RPL21: variants seen among roughly 807,000 people sequenced by gnomAD.
RPL21 encodes the protein large ribosomal subunit protein eL21.
A neutral mutation model predicts 21.2 loss-of-function variants in RPL21; 1 was observed. The observed-to-expected ratio is 0.05, with a 90% CI of 0.02 to 0.22. RPL21 has a LOEUF of 0.22. Ranked by LOEUF, RPL21 falls within the 10% of genes least tolerant of loss-of-function variation. The pLI, the probability that RPL21 is intolerant of heterozygous loss-of-function variation, is 1.00. For synonymous variants in RPL21, 52 were observed against 62.9 expected (o/e 0.83, Z 0.82); for missense variants, 113 against 199.4 (o/e 0.57, Z 2.61).
In RPL21 at chr13:27,256,506, C is replaced by G. The variant is rs781048948; in HGVS notation, c.464C>G (p.Pro155Arg). ...GAGCCTGAGCTGCTGGAACCTATTC[C>G]CTATGAATTCATGGCATAATAGGTG... ...GKEPELLEPIPYEFMA is the reference protein window; with the variant it reads ...GKEPELLEPIRYEFMA The change falls in exon 6 of 6, where the codon CCC (proline) becomes CGC (arginine). Residue 155 changes from proline (P) to arginine (R), a missense_variant. By Grantham distance (103) the Pro-to-Arg change is moderately radical. Transcript: ENST00000311549. 6 of 1,385,984 alleles carry G rather than the reference C, an allele frequency of 4.3e-6. No individual in the cohort carries two copies. The South Asian group carries it at 6.9e-5, about 16-fold the overall frequency. The allele number at this position is 1,385,984 out of a possible 1,614,324, so 85.9% of individuals were successfully genotyped here. A position where few individuals can be genotyped will look rare whatever the true frequency, so the allele number is the denominator to read the frequency against.
chr13:27,252,735 T>G (rs1881710188), intron 1 of RPL21, among the ~76,000 whole-genome samples: 1 of 152,180 alleles, frequency 6.6e-6, no homozygotes, highest in Non-Finnish European at 1.5e-5. Context: ...GTAACAATGG[T>G]TTGACTTTGG....
At chr13:27,253,519 G>A (rs1881747693) in intron 1 of RPL21, among the ~76,000 whole-genome samples, 1 of 152,192 alleles carries the variant, frequency 6.6e-6, no homozygotes. Context: ...GTACTAGTTT[G>A]GATTCTCGTA....
chr13:27,254,303 T>G (rs1201679045), intron 3 of RPL21, 22 bp downstream of exon 3: 10 of 1,396,020 alleles, frequency 7.2e-6, no homozygotes, highest in Non-Finnish European at 1.0e-5. Flanking sequence ...ATTGGGAAAA[T>G]AACACTACAG....
At chr13:27,252,307 A>G (rs1206954470) in intron 1 of RPL21, among the ~76,000 whole-genome samples, 6 of 152,320 alleles carry the variant, frequency 3.9e-5, no homozygotes, top group Admixed American at 3.9e-4. Flanking sequence ...CTAGGGCAGC[A>G]TGCTTTGAGT....
chr13:27,252,108 G>C (rs1213639408), intron 1 of RPL21, among the ~76,000 whole-genome samples: 1 of 152,158 alleles, frequency 6.6e-6, no homozygotes, highest in African/African-American at 2.4e-5. Flanking sequence ...TGAAAACCCG[G>C]GCTCTCGGTC....
intron 4 of RPL21, 72 bp from the exon 5 acceptor site, chr13:27,256,112 C>T: frequency 8.4e-7 from 1 of 1,184,414 alleles, no homozygotes; most frequent in South Asian, 1.3e-5. Context: ...ATAAATGAAA[C>T]TGCAAAATCA....
intron 1 of RPL21, among the ~76,000 whole-genome samples, chr13:27,252,391 G>T (rs1041153211): frequency 2.0e-5 from 3 of 152,122 alleles, no homozygotes; most frequent in Non-Finnish European, 4.4e-5. Context: ...CAAACTGCAG[G>T]TTGCTCTTTA....
intron 1 of RPL21, among the ~76,000 whole-genome samples, chr13:27,253,104 C>G (rs1881724790): frequency 6.6e-6 from 1 of 152,166 alleles, no homozygotes. Flanking sequence ...TAGACATTAC[C>G]TCAGCTACGA....
chr13:27,254,410 T>TTTC, intron 3 of RPL21, 129 bp downstream of exon 3: 1 of 650,828 alleles, frequency 1.5e-6, no homozygotes, highest in Middle Eastern at 3.1e-4. Flanking sequence ...TTTTTTTTTT[T>TTTC]TGGAGACGGA....
intron 4 of RPL21, chr13:27,255,659 C>A (rs1593262490): frequency 2.2e-6 from 1 of 446,482 alleles, no homozygotes; most frequent in East Asian, 5.6e-5. Flanking sequence ...GCAAGCTCCA[C>A]CTCCTGGGTT....
chr13:27,255,024 GTTC>G (rs1881828727), intron 3 of RPL21: 2 of 730,594 alleles, frequency 2.7e-6, no homozygotes, highest in African/African-American at 1.7e-5. Flanking sequence ...TGAAAGCTGT[GTTC>G]TTCTGTGACC....
At chr13:27,256,369 A>G (rs1483254758) in intron 5 of RPL21, 35 bp downstream of exon 5, 1 of 1,599,790 alleles carries the variant, frequency 6.3e-7, no homozygotes, top group Non-Finnish European at 8.6e-7. Flanking sequence ...TGGTTCTGAG[A>G]GCACTTTAAG....
chr13:27,252,036 G>T (rs750161347), intron 1 of RPL21, among the ~76,000 whole-genome samples: 1 of 152,116 alleles, frequency 6.6e-6, no homozygotes, highest in Non-Finnish European at 1.5e-5. Context: ...AGGACTTAAG[G>T]GGTAGTAGGA....
chr13:27,256,336 T>C lies in RPL21; in HGVS notation c.393+2T>C, dbSNP rs1319888887. The C allele has an allele frequency of 1.2e-6, 2 of 1,611,016 alleles. No individual in the cohort carries two copies. The highest frequency in any genetic ancestry group is 1.7e-6 in the Non-Finnish European group (2 of 1,177,698). The stretch of plus-strand genomic sequence containing the variant: ...ACCTGGGTTCAACTAAAGCGCCAGG[T>C]AAGAATTTGGTGTATATTTCATTGG... On this transcript the variant is annotated splice_donor_variant, in intron 5 of 5. Coordinates refer to ENST00000311549, the MANE Select transcript of RPL21 (RefSeq NM_000982.4). LOFTEE classifies it high-confidence loss of function.
chr13:27,253,555 G>A, intron 1 of RPL21: 1 of 501,730 alleles, frequency 2.0e-6, no homozygotes, highest in Non-Finnish European at 3.7e-6. Flanking sequence ...TAAGAGTTTT[G>A]ATGTTATAGA....
intron 4 of RPL21, 78 bp downstream of exon 4, chr13:27,255,432 T>G (rs143708880): frequency 5.1e-6 from 4 of 784,094 alleles, no homozygotes; most frequent in African/African-American, 1.7e-5. Context: ...GTTGGACTTA[T>G]GTCTTTATTG....
intron 1 of RPL21, 117 bp from the exon 2 acceptor site, chr13:27,253,648 C>T: frequency 1.4e-6 from 1 of 698,882 alleles, no homozygotes; most frequent in Non-Finnish European, 2.7e-6. Context: ...CTTGGTGATC[C>T]AGCTTTCAGT....
intron 1 of RPL21, among the ~76,000 whole-genome samples, chr13:27,253,055 T>C (rs1280438101): frequency 6.6e-6 from 1 of 152,244 alleles, no homozygotes; most frequent in Non-Finnish European, 1.5e-5. Context: ...CGGTTACTAC[T>C]GAGCACTTTA....
rs1002343812 is a variant in RPL21 at position 27,256,347 on chromosome 13, T to G, written c.393+13T>G. The G allele has an allele frequency of 6.2e-7, 1 of 1,609,358 alleles. No individual in the cohort carries two copies. The highest frequency in any genetic ancestry group is 8.5e-7 in the Non-Finnish European group (1 of 1,176,230). On this transcript the variant is annotated intron_variant, in intron 5 of 5. Coordinates refer to ENST00000311549, the MANE Select transcript of RPL21 (RefSeq NM_000982.4). ...ACTAAAGCGCCAGGTAAGAATTTGG[T>G]GTATATTTCATTGGTTCTGAGAGCA...
Sources: allele counts gnomAD v4.1 joint callset (sites outside exome capture counted in the v4.1 genomes callset), GRCh38; gene constraint gnomAD v4.1.1; transcripts MANE v1.5; gene names NCBI Gene and HGNC (gene_info 2026-07-23, HGNC 2026-07-21).